Variants in ANKS1B observed in about 807,000 individuals in gnomAD.
ANKS1B encodes the protein ankyrin repeat and sterile alpha motif domain-containing protein 1B.
ANKS1B carries 36 observed loss-of-function variants against 148.3 expected under a neutral mutation model. The ratio of observed to expected loss-of-function variants is 0.24; its 90% CI spans 0.19 to 0.32. The LOEUF is 0.32. Among genes scored for constraint, ANKS1B ranks in the 10% least tolerant of loss-of-function variants. ANKS1B has a pLI of 1.00. For synonymous variants in ANKS1B, 542 were observed against 560.8 expected (o/e 0.97, Z 0.47); for missense variants, 1,157 against 1,542.6 (o/e 0.75, Z 4.19).
In ANKS1B at chr12:99,647,921, T is replaced by C. The variant is rs998885619; in HGVS notation, c.1272+7146A>G. On this transcript the variant is annotated intron_variant, in intron 9 of 26. Transcript: ENST00000683438. ...GGACATCCACGAGGGCCCCAACACC[T>C]GTGCTCCTGACAGCTCCATGCACTA... 1.2e-5 allele frequency: 6 copies of C among 483,564 alleles called. No individual in the cohort carries two copies. In the Admixed American group the frequency reaches 1.4e-4, roughly 11 times the overall value. 30.0% of individuals were successfully genotyped at this position (483,564 alleles called of 1,614,324 possible). A position where few individuals can be genotyped will look rare whatever the true frequency, so the allele number is the denominator to read the frequency against.
At chr12:99,958,684 C>G (rs1343168762) in intron 1 of ANKS1B, among the ~76,000 whole-genome samples, 1 of 152,156 alleles carries the variant, frequency 6.6e-6, no homozygotes. Flanking sequence ...TGTGCCCAGC[C>G]TCTATTGATA....
At chr12:99,773,463 T>C (rs2063378062) in intron 7 of ANKS1B, among the ~76,000 whole-genome samples, 1 of 152,112 alleles carries the variant, frequency 6.6e-6, no homozygotes, top group South Asian at 2.1e-4. Context: ...TTTGAAACGG[T>C]GCTGAGAAAC....
At chr12:99,096,731 C>T (rs1400688087) in intron 15 of ANKS1B, among the ~76,000 whole-genome samples, 1 of 152,170 alleles carries the variant, frequency 6.6e-6, no homozygotes, top group East Asian at 1.9e-4. Context: ...AATAATATTA[C>T]TCAACCTGAA....
chr12:98,809,043 C>T (rs1033931231), intron 19 of ANKS1B, among the ~76,000 whole-genome samples: 2 of 152,110 alleles, frequency 1.3e-5, no homozygotes, highest in African/African-American at 4.8e-5. Flanking sequence ...CAATTTAACA[C>T]CTCTCTCTCT....
rs537981426 is a variant in ANKS1B, at chr12:99,820,330, A to C, written c.215+4979T>G. 2.6e-5 allele frequency among the ~76,000 whole-genome samples: 4 copies of C among 152,062 alleles called. No individual in the cohort carries two copies. The South Asian group carries it at 6.2e-4, about 24-fold the overall frequency. The stretch of plus-strand genomic sequence containing the variant: ...AATGGCTCCCAATGAAAATGTACAA[A>C]ATTGGGGAAACTGGTTTAATTTTCA... On this transcript the variant is annotated intron_variant, in intron 2 of 26. Transcript: ENST00000683438.
At chr12:99,536,992 A>C (rs1184154394) in intron 9 of ANKS1B, among the ~76,000 whole-genome samples, 2 of 152,144 alleles carry the variant, frequency 1.3e-5, no homozygotes, top group Non-Finnish European at 2.9e-5. Context: ...CCCACAAATA[A>C]ACAAAAACAT....
chr12:99,333,193 C>T (rs968614376), intron 12 of ANKS1B, among the ~76,000 whole-genome samples: 24 of 152,048 alleles, frequency 1.6e-4, no homozygotes, highest in African/African-American at 5.3e-4. Context: ...GACTGCCATG[C>T]TTTGTACTTT....
At chr12:99,519,592 T>C (rs2096855070) in intron 9 of ANKS1B, among the ~76,000 whole-genome samples, 1 of 152,164 alleles carries the variant, frequency 6.6e-6, no homozygotes, top group Admixed American at 6.5e-5. Context: ...TTTCCATCCT[T>C]TTATTTTCAG....
chr12:99,211,173 G>C (rs762636211), intron 14 of ANKS1B, among the ~76,000 whole-genome samples: 1 of 152,164 alleles, frequency 6.6e-6, no homozygotes, highest in East Asian at 1.9e-4. Flanking sequence ...ACCAAAAGGG[G>C]GAAATTGTTA....
chr12:99,480,483 T>C (rs1213757592), intron 10 of ANKS1B, among the ~76,000 whole-genome samples: 1 of 151,882 alleles, frequency 6.6e-6, no homozygotes, highest in Non-Finnish European at 1.5e-5. Context: ...TTTTCACATT[T>C]AGTAGAAATT....
At chr12:99,792,264 G>A (rs541121640) in intron 4 of ANKS1B, among the ~76,000 whole-genome samples, 1 of 151,852 alleles carries the variant, frequency 6.6e-6, no homozygotes, top group South Asian at 2.1e-4. Context: ...AAGTCTCCCA[G>A]TAAAGAAAAG....
chr12:99,649,250 C>A, intron 9 of ANKS1B: 1 of 1,457,120 alleles, frequency 6.9e-7, no homozygotes, highest in Non-Finnish European at 9.6e-7. Context: ...GGAGATCTTG[C>A]TGGTCTCACT....
chr12:98,771,017 C>T (rs2098557492), intron 25 of ANKS1B, among the ~76,000 whole-genome samples: 2 of 152,096 alleles, frequency 1.3e-5, no homozygotes, highest in Admixed American at 6.5e-5. Context: ...CAATTTGTAC[C>T]ACCTTGAGGG....
At chr12:99,532,424 G>A (rs999743147) in intron 9 of ANKS1B, among the ~76,000 whole-genome samples, 6 of 152,164 alleles carry the variant, frequency 3.9e-5, no homozygotes, top group Non-Finnish European at 7.3e-5. Context: ...GCAGTGGCCC[G>A]ATCTCGGCTC....
At chr12:99,588,309 T>C (rs139842229) in intron 9 of ANKS1B, among the ~76,000 whole-genome samples, 294 of 152,288 alleles carry the variant, frequency 1.9e-3, no homozygotes, top group Non-Finnish European at 3.6e-3. Flanking sequence ...AGGGAAAAAA[T>C]CCATTTTCTC....
chr12:99,579,377 CA>C (rs1407456049), intron 9 of ANKS1B, among the ~76,000 whole-genome samples: 1 of 152,112 alleles, frequency 6.6e-6, no homozygotes, highest in African/African-American at 2.4e-5. Context: ...AGAGCTTCTA[CA>C]CAGCCAAAGA....
chr12:99,831,505 T>G (rs992821685), intron 1 of ANKS1B, among the ~76,000 whole-genome samples: 1 of 152,228 alleles, frequency 6.6e-6, no homozygotes, highest in East Asian at 1.9e-4. Context: ...AAAATATTTA[T>G]CACAGAGTGA....
chr12:98,894,888 G>C, intron 17 of ANKS1B: 1 of 963,582 alleles, frequency 1.0e-6, no homozygotes, highest in Non-Finnish European at 1.2e-6. Flanking sequence ...CCGCGCGCGC[G>C]CCCCCCACTG....
At chr12:99,404,566 G>A (rs1303670323) in intron 11 of ANKS1B, among the ~76,000 whole-genome samples, 1 of 145,436 alleles carries the variant, frequency 6.9e-6, no homozygotes, top group African/African-American at 2.6e-5. Flanking sequence ...AAGAATTAGT[G>A]AGCTTCAAAA....
Sources: allele counts gnomAD v4.1 joint callset (sites outside exome capture counted in the v4.1 genomes callset), GRCh38; gene constraint gnomAD v4.1.1; transcripts MANE v1.5; gene names NCBI Gene and HGNC (gene_info 2026-07-23, HGNC 2026-07-21).